SPATA6L: variants seen among roughly 807,000 people sequenced by gnomAD.
The protein encoded by SPATA6L is spermatogenesis associated 6 like, also known as spermatogenesis associated 6-like protein.
Under a neutral mutation model 49.2 loss-of-function variants are expected in SPATA6L, and 68 were observed. The observed-to-expected ratio is 1.38, with a 90% CI of 1.14 to 1.69. SPATA6L has a LOEUF of 1.69. SPATA6L is among the 40% of genes most tolerant of loss of function. The probability of loss-of-function intolerance (pLI) is 0.00; values close to 1 mark genes in which losing one functional copy is unlikely to be tolerated. For missense variants in SPATA6L, 668 were observed against 464.3 expected, an observed-to-expected ratio of 1.44 and a Z score of -4.03; for synonymous variants, 198 against 165.7, an observed-to-expected ratio of 1.19 and a Z score of -1.50.
intron 9 of SPATA6L, among the ~76,000 whole-genome samples, chr9:4,608,342 A>AT (rs1825828359): frequency 1.6e-5 from 1 of 62,804 alleles, no homozygotes; most frequent in Non-Finnish European, 2.9e-5. Context: ...CAGAATATAC[A>AT]TTTTTTTCAG....
At chr9:4,610,513 C>A (rs1304385794) in intron 9 of SPATA6L, among the ~76,000 whole-genome samples, 1 of 139,476 alleles carries the variant, frequency 7.2e-6, no homozygotes. Flanking sequence ...ACTATCTGAT[C>A]TTTGACAAAC....
chr9:4,627,655 C>A (rs911619154), intron 5 of SPATA6L: 3 of 1,074,508 alleles, frequency 2.8e-6, no homozygotes, highest in Admixed American at 6.0e-5. Context: ...AAAAGCAAAA[C>A]AGAAAGAAAT....
intron 3 of SPATA6L, among the ~76,000 whole-genome samples, chr9:4,648,254 A>T (rs1451339349): frequency 1.3e-5 from 2 of 152,246 alleles, no homozygotes; most frequent in Non-Finnish European, 2.9e-5. Context: ...AGACAGACTG[A>T]AACTTTAGGC....
chr9:4,604,714 A>T (rs921063484), intron 10 of SPATA6L, among the ~76,000 whole-genome samples: 10 of 152,218 alleles, frequency 6.6e-5, no homozygotes, highest in African/African-American at 2.4e-4. Flanking sequence ...AGTATATAAT[A>T]AGTCAAGAGG....
chr9:4,660,535 G>C (rs994652104), intron 2 of SPATA6L, among the ~76,000 whole-genome samples: 66 of 152,152 alleles, frequency 4.3e-4, no homozygotes, highest in African/African-American at 1.6e-3. Context: ...GAAACAACAG[G>C]TGCTGGAGAG....
At position 4,664,823 on chromosome 9, in the gene SPATA6L, C is replaced by G. The variant is rs1032638141; in HGVS notation, c.39+1389G>C. 3 of 167,100 alleles carry G rather than the reference C, an allele frequency of 1.8e-5. No individual in the cohort carries two copies. The Admixed American group carries it at 2.0e-4, about 11-fold the overall frequency. The allele number at this position is 167,100 out of a possible 1,614,324, so 10.4% of individuals were successfully genotyped here. On this transcript the variant is annotated intron_variant, in intron 1 of 11. Coordinates refer to ENST00000682582, the MANE Select transcript of SPATA6L (RefSeq NM_001353486.2). ...AGTGAGGGGCATAGTGAAAAAGGAA[C>G]AGCCATGCCTCAAAATCAAATCATT...
chr9:4,625,115 A>T (rs1830089920), intron 6 of SPATA6L: 1 of 769,050 alleles, frequency 1.3e-6, no homozygotes, highest in Non-Finnish European at 1.9e-6. Context: ...GCTGACATTT[A>T]CTGAGCAAGT....
At chr9:4,663,295 C>G (rs1840310355) in intron 1 of SPATA6L, 1 of 1,591,746 alleles carries the variant, frequency 6.3e-7, no homozygotes, top group East Asian at 2.2e-5. Context: ...ACCAGGAAGT[C>G]TGAAGGTTTC....
intron 3 of SPATA6L, among the ~76,000 whole-genome samples, chr9:4,647,713 C>A (rs1347449860): frequency 6.6e-6 from 1 of 151,452 alleles, no homozygotes; most frequent in Non-Finnish European, 1.5e-5. Flanking sequence ...AAAATAAGGA[C>A]AAGAATAAAA....
chr9:4,592,016 G>C (rs1303997083), intron 13 of SPATA6L, among the ~76,000 whole-genome samples: 1 of 152,010 alleles, frequency 6.6e-6, no homozygotes, highest in Non-Finnish European at 1.5e-5. Context: ...AGCCCAGAAG[G>C]AAAAACAGCA....
chr9:4,645,085 A>C lies in SPATA6L; in HGVS notation c.227-9686T>G, dbSNP rs374868478. The stretch of plus-strand genomic sequence containing the variant: ...CTGTATTTATGAATAACGAAATTTG[A>C]ATTTCATATAATTTTCACATCACTA... On this transcript the variant is annotated intron_variant, in intron 3 of 11. Transcript: ENST00000682582. Among the ~76,000 whole-genome samples the C allele has an allele frequency of 3.8e-4, 58 of 152,332 alleles. No individual in the cohort carries two copies. In the South Asian group the frequency reaches 0.011, roughly 30 times the overall value.
chr9:4,620,361 C>A (rs1210871282), intron 7 of SPATA6L, among the ~76,000 whole-genome samples: 1 of 152,184 alleles, frequency 6.6e-6, no homozygotes, highest in Admixed American at 6.5e-5. Flanking sequence ...ACCTTTCACA[C>A]GGGGGCCTGC....
At chr9:4,601,454 ATACCAAAAG>A (rs1823251428) in intron 11 of SPATA6L, among the ~76,000 whole-genome samples, 1 of 151,112 alleles carries the variant, frequency 6.6e-6, no homozygotes, top group Admixed American at 6.6e-5. Flanking sequence ...TACTCTGTTT[ATACCAAAAG>A]TACCAAGTCC....
Position 4,662,841 on chromosome 9 carries a change from A to C in SPATA6L, c.40-805T>G, listed in dbSNP as rs1029766930. On this transcript the variant is annotated intron_variant, in intron 1 of 11. Coordinates refer to ENST00000682582, the MANE Select transcript of SPATA6L (RefSeq NM_001353486.2). The surrounding 1 kb of genome is among the most constrained non-coding windows in gnomAD (Gnocchi z 4.9). Reference sequence around the variant, plus strand: ...GCTGGGCACCCTCTACTGCCTGTGCAGGAGCGACAGCTGGGCCGGGCGCGA... The same window carrying C: ...GCTGGGCACCCTCTACTGCCTGTGCCGGAGCGACAGCTGGGCCGGGCGCGA... The C allele has an allele frequency of 2.5e-6, 4 of 1,605,248 alleles. No homozygotes were observed. Among genetic ancestry groups the C allele is most frequent in the Non-Finnish European group, 3.4e-6 (4 of 1,179,948 alleles).
intron 9 of SPATA6L, among the ~76,000 whole-genome samples, chr9:4,606,121 C>T (rs142715388): frequency 1.3e-5 from 2 of 151,958 alleles, no homozygotes; most frequent in Non-Finnish European, 2.9e-5. Flanking sequence ...AAAAATGGCG[C>T]ACCACCCACC....
intron 9 of SPATA6L, among the ~76,000 whole-genome samples, chr9:4,606,962 G>A (rs1285691174): frequency 1.4e-5 from 2 of 146,514 alleles, no homozygotes; most frequent in African/African-American, 2.7e-5. Flanking sequence ...AGCTGATGGA[G>A]CTGAAAACCA....
chr9:4,604,615 C>T (rs1325252489), intron 10 of SPATA6L, among the ~76,000 whole-genome samples: 2 of 152,118 alleles, frequency 1.3e-5, no homozygotes, highest in African/African-American at 4.8e-5. Context: ...AATGACTTTG[C>T]AGAAAAGAAT....
chr9:4,658,792 G>C (rs1423110832), intron 2 of SPATA6L, among the ~76,000 whole-genome samples: 1 of 152,094 alleles, frequency 6.6e-6, no homozygotes, highest in Non-Finnish European at 1.5e-5. Flanking sequence ...AGGAGTTTGA[G>C]ACCAGCCTGG....
Position 4,653,888 on chromosome 9 carries a change from G to A in SPATA6L, c.226+2153C>T, listed in dbSNP as rs114681486. ...GAAAGTTGAGGCTTCAGTAAGCTAT[G>A]ATCGTGCCACTGCACTCCAGGCTAG... is the stretch of plus-strand genomic sequence containing the variant. On this transcript the variant is annotated intron_variant, in intron 3 of 11. Coordinates refer to ENST00000682582, the MANE Select transcript of SPATA6L (RefSeq NM_001353486.2). Among the ~76,000 whole-genome samples, 1,000 of 152,340 alleles carry A rather than the reference G, an allele frequency of 6.6e-3. 12 individuals are homozygous for A. The highest frequency in any genetic ancestry group is 0.023 in the African/African-American group (936 of 41,568).
Sources: gnomAD v4.1 joint callset for allele counts (sites outside exome capture counted in the v4.1 genomes callset) on GRCh38, gnomAD v4.1.1 for gene constraint, Gnocchi (gnomAD v3.1) non-coding constraint, MANE v1.5 for transcripts, NCBI Gene and HGNC (gene_info 2026-07-23, HGNC 2026-07-21) for gene names.